Variants in MYO1D observed in about 807,000 individuals in gnomAD.
MYO1D encodes myosin ID, also known as unconventional myosin-Id.
In MYO1D, 83 loss-of-function variants were observed where a neutral mutation model predicts 122.0. The observed-to-expected ratio is 0.68, with a 90% CI of 0.57 to 0.82. The LOEUF (loss-of-function observed/expected upper bound fraction) is 0.82. Ranked by LOEUF, MYO1D falls within the 40% of genes least tolerant of loss-of-function variation. The probability of loss-of-function intolerance (pLI) is 0.00; values close to 1 mark genes in which losing one functional copy is unlikely to be tolerated. For synonymous variants in MYO1D, 464 were observed against 446.9 expected (o/e 1.04, Z -0.48); for missense variants, 1,157 against 1,269.5 (o/e 0.91, Z 1.35).
At chr17:32,847,342 T>C (rs1417858112) in intron 1 of MYO1D, among the ~76,000 whole-genome samples, 2 of 152,208 alleles carry the variant, frequency 1.3e-5, no homozygotes, top group Admixed American at 6.5e-5. Context: ...TTTGTTCACA[T>C]ACTTCAGAGA....
chr17:32,750,695 T>C (rs2089890214), intron 11 of MYO1D, among the ~76,000 whole-genome samples: 1 of 152,212 alleles, frequency 6.6e-6, no homozygotes, highest in Non-Finnish European at 1.5e-5. Flanking sequence ...CGATAACAAA[T>C]AATCTCAACC....
chr17:32,776,022 T>C lies in MYO1D; in HGVS notation c.406A>G (p.Asn136Asp), dbSNP rs2090168693. 2 of 1,613,354 alleles carry C rather than the reference T, an allele frequency of 1.2e-6. No individual in the cohort carries two copies. Among genetic ancestry groups the C allele is most frequent in the Admixed American group, 3.3e-5 (2 of 59,892 alleles). Residue 136 changes from asparagine (N) to aspartate (D), a missense_variant, in exon 4 of 22, where the codon AAT becomes GAT. Coordinates refer to ENST00000318217, the MANE Select transcript of MYO1D (RefSeq NM_015194.3). ...SQRAEVERVK[N>D]MLLKSNCVLE... ...ACACAGTTGGACTTAAGCAACATAT[T>C]CTTCACTCTTTAACACAGATAAATG...
At chr17:32,540,923 CAAAA>C (rs33945323) in intron 21 of MYO1D, among the ~76,000 whole-genome samples, 4 of 83,862 alleles carry the variant, frequency 4.8e-5, no homozygotes, top group East Asian at 5.3e-4. Context: ...GACTTCGTCT[CAAAA>C]AAAAAAAAAA....
At chr17:32,648,113 C>G (rs2088323878) in intron 19 of MYO1D, among the ~76,000 whole-genome samples, 1 of 152,102 alleles carries the variant, frequency 6.6e-6, no homozygotes, top group Admixed American at 6.5e-5. Flanking sequence ...ACTGGGGAGG[C>G]TGAGGCAGGA....
intron 17 of MYO1D, among the ~76,000 whole-genome samples, chr17:32,655,074 C>G (rs956145724): frequency 1.3e-5 from 2 of 152,226 alleles, no homozygotes; most frequent in African/African-American, 2.4e-5. Context: ...AAAATACACA[C>G]AGAAGTTGCT....
chr17:32,700,311 C>A (rs533064238), intron 16 of MYO1D, among the ~76,000 whole-genome samples: 1 of 152,306 alleles, frequency 6.6e-6, no homozygotes, highest in South Asian at 2.1e-4. Context: ...GCATTTCACA[C>A]ACAACAGGGT....
chr17:32,616,424 C>T (rs2087769194), intron 20 of MYO1D, among the ~76,000 whole-genome samples: 1 of 151,906 alleles, frequency 6.6e-6, no homozygotes, highest in Non-Finnish European at 1.5e-5. Flanking sequence ...TCCTCTGCCT[C>T]AGCCTCCCAA....
chr17:32,659,112 T>C lies in MYO1D; in HGVS notation c.2345+3A>G. 1.9e-6 allele frequency: 3 copies of C among 1,613,218 alleles called. No individual in the cohort carries two copies. Among genetic ancestry groups the C allele is most frequent in the Non-Finnish European group, 2.5e-6 (3 of 1,179,182 alleles). ...GATGCAGCACACAGCAGCACGTTCT[T>C]ACCTATTGAAAATCGTCTGCAGGGC... is the stretch of plus-strand genomic sequence containing the variant. On this transcript the variant is annotated splice_donor_region_variant and intron_variant, in intron 17 of 21. Coordinates refer to ENST00000318217, the MANE Select transcript of MYO1D (RefSeq NM_015194.3).
At chr17:32,856,354 T>C (rs921372096) in intron 1 of MYO1D, among the ~76,000 whole-genome samples, 7 of 152,174 alleles carry the variant, frequency 4.6e-5, no homozygotes, top group African/African-American at 1.7e-4. Flanking sequence ...CTTCCCATCA[T>C]TACCTATTCA....
intron 16 of MYO1D, among the ~76,000 whole-genome samples, chr17:32,693,256 T>C (rs1254664820): frequency 1.3e-5 from 2 of 152,210 alleles, no homozygotes; most frequent in African/African-American, 2.4e-5. Context: ...GTAGCCATTT[T>C]TTTTTCCTTC....
intron 20 of MYO1D, among the ~76,000 whole-genome samples, chr17:32,628,221 T>C (rs895907606): frequency 2.6e-5 from 4 of 152,212 alleles, no homozygotes; most frequent in Non-Finnish European, 4.4e-5. Flanking sequence ...AATTCAATAT[T>C]ACATACAAAT....
intron 21 of MYO1D, among the ~76,000 whole-genome samples, chr17:32,571,167 C>G (rs2087223553): frequency 6.6e-6 from 1 of 152,072 alleles, no homozygotes; most frequent in South Asian, 2.1e-4. Context: ...TGGGAAGTAT[C>G]TGTGGGGCTT....
chr17:32,543,512 C>A (rs986002895), intron 21 of MYO1D, among the ~76,000 whole-genome samples: 1 of 151,514 alleles, frequency 6.6e-6, no homozygotes, highest in Non-Finnish European at 1.5e-5. Flanking sequence ...GGAGGCGGAG[C>A]TTGCAGTGAG....
At chr17:32,608,060 T>A (rs1396484365) in intron 20 of MYO1D, among the ~76,000 whole-genome samples, 2 of 152,150 alleles carry the variant, frequency 1.3e-5, no homozygotes, top group Non-Finnish European at 2.9e-5. Flanking sequence ...AAGAAAATCT[T>A]TGTGACCTTG....
chr17:32,571,234 G>T (rs1425595691), intron 21 of MYO1D, among the ~76,000 whole-genome samples: 1 of 152,108 alleles, frequency 6.6e-6, no homozygotes, highest in African/African-American at 2.4e-5. Flanking sequence ...GGGGGAGTGG[G>T]GCGTGGAAGC....
chr17:32,749,906 G>C (rs1413122249), intron 11 of MYO1D, among the ~76,000 whole-genome samples: 1 of 152,142 alleles, frequency 6.6e-6, no homozygotes, highest in Non-Finnish European at 1.5e-5. Flanking sequence ...CTTCAATGCT[G>C]ACATATAAGG....
chr17:32,612,351 T>C (rs1158690373), intron 20 of MYO1D, among the ~76,000 whole-genome samples: 1 of 151,966 alleles, frequency 6.6e-6, no homozygotes, highest in Non-Finnish European at 1.5e-5. Flanking sequence ...TATTTAACAT[T>C]AGGAATGAGA....
chr17:32,849,632 G>A (rs1452101691), intron 1 of MYO1D, among the ~76,000 whole-genome samples: 1 of 150,762 alleles, frequency 6.6e-6, no homozygotes, highest in Non-Finnish European at 1.5e-5. Context: ...ATGGACACAG[G>A]AAGGGGAATA....
At chr17:32,876,420 T>C (rs1366439688) in intron 1 of MYO1D, among the ~76,000 whole-genome samples, 2 of 152,176 alleles carry the variant, frequency 1.3e-5, no homozygotes, top group Admixed American at 1.3e-4. Flanking sequence ...TCCCTTCAGT[T>C]TCCATGAGGT....
Sources: gnomAD v4.1 joint callset for allele counts (sites outside exome capture counted in the v4.1 genomes callset) on GRCh38, gnomAD v4.1.1 for gene constraint, MANE v1.5 for transcripts, NCBI Gene and HGNC (gene_info 2026-07-23, HGNC 2026-07-21) for gene names.